KIF2A: variants seen among roughly 807,000 people sequenced by gnomAD.
KIF2A encodes kinesin-like protein KIF2A.
Under a neutral mutation model 100.2 loss-of-function variants are expected in KIF2A, and 22 were observed. That is an observed-to-expected ratio of 0.22 (90% CI 0.16 to 0.31). KIF2A has a LOEUF of 0.31. Among genes scored for constraint, KIF2A ranks in the 10% least tolerant of loss-of-function variants. The probability of loss-of-function intolerance (pLI) is 1.00; values close to 1 mark genes in which losing one functional copy is unlikely to be tolerated. For synonymous variants in KIF2A, 268 were observed against 285.9 expected (o/e 0.94, Z 0.63); for missense variants, 495 against 898.7 (o/e 0.55, Z 5.74).
intron 1 of KIF2A, among the ~76,000 whole-genome samples, chr5:62,322,725 C>T (rs1442163262): frequency 2.0e-5 from 3 of 152,134 alleles, no homozygotes; most frequent in East Asian, 1.9e-4. Flanking sequence ...TGTACCTACA[C>T]ACATATATGC....
intron 1 of KIF2A, among the ~76,000 whole-genome samples, chr5:62,331,324 T>G (rs888226558): frequency 2.6e-5 from 4 of 152,048 alleles, no homozygotes; most frequent in African/African-American, 9.7e-5. Flanking sequence ...GGCAGGAGAA[T>G]CGCTTGAACT....
At chr5:62,306,620 T>C (rs1247576664) in intron 1 of KIF2A, 84 bp downstream of exon 1, 12 of 1,129,390 alleles carry the variant, frequency 1.1e-5, no homozygotes, top group Non-Finnish European at 1.5e-5. Context: ...GGCCGCCTCA[T>C]TGATTGCTTC....
chr5:62,345,878 T>C (rs1747540630), intron 1 of KIF2A, among the ~76,000 whole-genome samples: 1 of 152,146 alleles, frequency 6.6e-6, no homozygotes, highest in Admixed American at 6.5e-5. Context: ...CTGTCTCTAC[T>C]TGAGTAACAA....
intron 14 of KIF2A, among the ~76,000 whole-genome samples, chr5:62,364,224 C>T (rs1287640157): frequency 3.3e-5 from 5 of 151,738 alleles, no homozygotes; most frequent in East Asian, 1.9e-4. Flanking sequence ...CTCGGCTCAC[C>T]GCAACCTCCA....
At chr5:62,364,974 T>C (rs979239567) in intron 14 of KIF2A, among the ~76,000 whole-genome samples, 4 of 152,160 alleles carry the variant, frequency 2.6e-5, no homozygotes, top group African/African-American at 7.2e-5. Context: ...GCGCCTGTTA[T>C]CCCAGCTACT....
chr5:62,362,821 T>A lies in KIF2A; in HGVS notation c.1119+280T>A, dbSNP rs247271. 0.25 allele frequency among the ~76,000 whole-genome samples: 37,457 copies of A among 152,002 alleles called. 4,708 individuals carry two copies. Among genetic ancestry groups the A allele is most frequent in the Middle Eastern group, 0.3 (89 of 292 alleles). On this transcript the variant is annotated intron_variant, in intron 12 of 20. Coordinates refer to ENST00000407818, the MANE Select transcript of KIF2A (RefSeq NM_001098511.3). ...AATTCTTAAACTCTGGGTGACTCAT[T>A]TTTATAGAACTGATATTTTAATTGC... is the stretch of plus-strand genomic sequence containing the variant.
At chr5:62,324,197 G>A (rs1169456165) in intron 1 of KIF2A, among the ~76,000 whole-genome samples, 1 of 152,054 alleles carries the variant, frequency 6.6e-6, no homozygotes, top group Non-Finnish European at 1.5e-5. Context: ...ACAAAACATT[G>A]CTGAAATAAA....
At chr5:62,361,934 G>A (rs551308073) in intron 11 of KIF2A, among the ~76,000 whole-genome samples, 2 of 151,192 alleles carry the variant, frequency 1.3e-5, no homozygotes, top group Non-Finnish European at 2.9e-5. Context: ...GGCTGAGGCA[G>A]AATTGTTTGA....
intron 1 of KIF2A, among the ~76,000 whole-genome samples, chr5:62,308,969 A>G (rs984603733): frequency 6.6e-6 from 1 of 152,218 alleles, no homozygotes; most frequent in Admixed American, 6.5e-5. Flanking sequence ...TGCTGTCTAT[A>G]TTCCATAGCA....
At chr5:62,375,604 T>C (rs1309640842) in intron 18 of KIF2A, among the ~76,000 whole-genome samples, 1 of 152,246 alleles carries the variant, frequency 6.6e-6, no homozygotes, top group Admixed American at 6.5e-5. Context: ...TAGTTAGTTC[T>C]AATACTTTGT....
At chr5:62,325,462 G>GAA (rs34505547) in intron 1 of KIF2A, among the ~76,000 whole-genome samples, 39 of 149,648 alleles carry the variant, frequency 2.6e-4, no homozygotes, top group Middle Eastern at 3.4e-3. Context: ...TGCTCTGAAA[G>GAA]AAAAAAAAAA....
intron 20 of KIF2A, among the ~76,000 whole-genome samples, chr5:62,382,557 A>G (rs1042135397): frequency 1.3e-5 from 2 of 151,442 alleles, no homozygotes; most frequent in East Asian, 1.9e-4. Context: ...AGTGTTTTGG[A>G]TTTCAGATTT....
intron 10 of KIF2A, 59 bp from the exon 11 acceptor site, chr5:62,361,407 A>G: frequency 7.0e-7 from 1 of 1,426,460 alleles, no homozygotes; most frequent in South Asian, 1.2e-5. Flanking sequence ...TCTGTGAACT[A>G]AATTCTTAAG....
intron 1 of KIF2A, among the ~76,000 whole-genome samples, chr5:62,312,762 G>T (rs1745616843): frequency 1.3e-5 from 2 of 152,134 alleles, no homozygotes; most frequent in South Asian, 4.1e-4. Flanking sequence ...TATGAGTGAG[G>T]GAAGTGTTCC....
chr5:62,316,468 T>G (rs1745822982), intron 1 of KIF2A, among the ~76,000 whole-genome samples: 1 of 152,194 alleles, frequency 6.6e-6, no homozygotes, highest in African/African-American at 2.4e-5. Context: ...ATTTCAGTAT[T>G]CAGAATCTCT....
At chr5:62,320,830 T>C (rs1265847712) in intron 1 of KIF2A, among the ~76,000 whole-genome samples, 5 of 151,974 alleles carry the variant, frequency 3.3e-5, no homozygotes, top group Middle Eastern at 3.4e-3. Flanking sequence ...GTGATTTTTT[T>C]TTGGTATATT....
intron 1 of KIF2A, among the ~76,000 whole-genome samples, chr5:62,314,758 GT>G (rs34987605): frequency 0.086 from 8,687 of 100,662 alleles, 307 homozygotes; most frequent in East Asian, 0.15. Flanking sequence ...AGAATGAACT[GT>G]TTTTTTTTTT....
intron 4 of KIF2A, among the ~76,000 whole-genome samples, chr5:62,350,847 G>C (rs1204164325): frequency 1.3e-5 from 2 of 151,856 alleles, no homozygotes; most frequent in Non-Finnish European, 2.9e-5. Flanking sequence ...GGGAGGCAGA[G>C]GTTGCAGTAA....
chr5:62,369,187 A>C (rs923926373), intron 16 of KIF2A, among the ~76,000 whole-genome samples: 21 of 152,366 alleles, frequency 1.4e-4, no homozygotes, highest in African/African-American at 4.3e-4. Flanking sequence ...CACTTGCAAC[A>C]TGACTAACCA....
Sources: gnomAD v4.1 joint callset for allele counts (sites outside exome capture counted in the v4.1 genomes callset) on GRCh38, gnomAD v4.1.1 for gene constraint, MANE v1.5 for transcripts, NCBI Gene and HGNC (gene_info 2026-07-23, HGNC 2026-07-21) for gene names.